KIF13A: variants seen among roughly 807,000 people sequenced by gnomAD.
KIF13A encodes kinesin-like protein KIF13A.
KIF13A carries 79 observed loss-of-function variants against 212.2 expected under a neutral mutation model. The ratio of observed to expected loss-of-function variants is 0.37; its 90% CI spans 0.31 to 0.45. KIF13A has a LOEUF of 0.45. Ranked by LOEUF, KIF13A falls within the 20% of genes least tolerant of loss-of-function variation. KIF13A has a pLI of 1.00. For missense variants in KIF13A, 1,901 were observed against 2,209.0 expected, an observed-to-expected ratio of 0.86 and a Z score of 2.79; for synonymous variants, 789 against 808.6, an observed-to-expected ratio of 0.98 and a Z score of 0.41.
intron 2 of KIF13A, among the ~76,000 whole-genome samples, chr6:17,928,552 C>T (rs1273699643): frequency 6.6e-6 from 1 of 152,098 alleles, no homozygotes; most frequent in African/African-American, 2.4e-5. Flanking sequence ...AAAGGAAATC[C>T]GGAGTTCACT....
intron 6 of KIF13A, among the ~76,000 whole-genome samples, chr6:17,852,757 T>C (rs1015410074): frequency 6.6e-6 from 1 of 152,214 alleles, no homozygotes; most frequent in Non-Finnish European, 1.5e-5. Flanking sequence ...TTAAAACATT[T>C]AAACTCTACT....
intron 3 of KIF13A, among the ~76,000 whole-genome samples, chr6:17,876,705 T>C (rs1770593527): frequency 1.3e-5 from 2 of 152,326 alleles, no homozygotes; most frequent in East Asian, 3.9e-4. Context: ...ACTGGCACTA[T>C]CATGGCTCAC....
chr6:17,767,478 C>T (rs556791937), intron 38 of KIF13A, among the ~76,000 whole-genome samples: 1 of 152,284 alleles, frequency 6.6e-6, no homozygotes, highest in East Asian at 1.9e-4. Flanking sequence ...TGGTCTCGAA[C>T]TCCTGACCTC....
chr6:17,838,614 C>T lies in KIF13A; in HGVS notation c.831-1031G>A, dbSNP rs1323818048. ...CACAGAGTGGCATAAATATGTACATCATCTTAAGTGAAACAAGTCAAAAAA... is the reference window on the plus strand; with the variant it reads ...CACAGAGTGGCATAAATATGTACATTATCTTAAGTGAAACAAGTCAAAAAA... On this transcript the variant is annotated intron_variant, in intron 9 of 38. Transcript: ENST00000259711. This position sits in a 1 kb window ranked among gnomAD's most constrained non-coding sequence, Gnocchi z 4.2. Among the ~76,000 whole-genome samples, 3 of 151,982 alleles carry T rather than the reference C, an allele frequency of 2.0e-5. No homozygotes were observed. The highest frequency in any genetic ancestry group is 4.4e-5 in the Non-Finnish European group (3 of 68,006).
intron 14 of KIF13A, among the ~76,000 whole-genome samples, chr6:17,827,757 A>G (rs965405477): frequency 6.0e-5 from 9 of 150,904 alleles, no homozygotes; most frequent in African/African-American, 2.0e-4. Context: ...CCTGGGCTCA[A>G]GCAATACTCC....
rs144283579 is a variant in KIF13A at position 17,925,763 on chromosome 6, T to C, written c.147-27583A>G. Among the ~76,000 whole-genome samples, 314 of 152,260 alleles carry C rather than the reference T, an allele frequency of 2.1e-3. 1 individual carries two copies. Among genetic ancestry groups the C allele is most frequent in the Middle Eastern group, 0.01 (3 of 294 alleles). The stretch of plus-strand genomic sequence containing the variant: ...ATTAGCAGCAGTTATTCTGTGAGAA[T>C]TGGGGGGCTACCAGAGTAATGACGA... On this transcript the variant is annotated intron_variant, in intron 2 of 38. Transcript: ENST00000259711.
chr6:17,790,217 C>A (rs1761416274), intron 25 of KIF13A, among the ~76,000 whole-genome samples: 1 of 152,092 alleles, frequency 6.6e-6, no homozygotes, highest in Admixed American at 6.6e-5. Context: ...GCCTGGGCAA[C>A]AATAGCAAGA....
At chr6:17,820,342 A>G (rs571939472) in intron 16 of KIF13A, among the ~76,000 whole-genome samples, 61 of 152,254 alleles carry the variant, frequency 4.0e-4, no homozygotes, top group African/African-American at 1.4e-3. Flanking sequence ...ACACACAGCT[A>G]CGGTGGAGGT....
intron 3 of KIF13A, among the ~76,000 whole-genome samples, chr6:17,890,795 A>AATAATAATAATG (rs1489320328): frequency 1.4e-5 from 2 of 147,610 alleles, no homozygotes; most frequent in East Asian, 3.9e-4. Context: ...CCCAGCTAAT[A>AATAATAATAATG]ATAATAATAA....
At chr6:17,784,478 G>A (rs1760877579) in intron 28 of KIF13A, among the ~76,000 whole-genome samples, 1 of 152,104 alleles carries the variant, frequency 6.6e-6, no homozygotes, top group African/African-American at 2.4e-5. Flanking sequence ...AACCGCCTCA[G>A]AGGCCTCTTA....
At chr6:17,937,984 G>A (rs547122261) in intron 2 of KIF13A, among the ~76,000 whole-genome samples, 1 of 152,190 alleles carries the variant, frequency 6.6e-6, no homozygotes, top group Non-Finnish European at 1.5e-5. Flanking sequence ...CTGACCTCAG[G>A]TAATCCACCT....
At position 17,789,607 on chromosome 6, in the gene KIF13A, GTGATAA is replaced by G. The variant is rs1174400010; in HGVS notation, c.3261+259_3261+264del. ...TCTCCAGATCATCCATTTTAATACA[GTGATAA>G]TGGTCTTGCTTAGCAATAAGCCAGT... On this transcript the variant is annotated intron_variant, in intron 26 of 38. Transcript: ENST00000259711. The surrounding 1 kb of genome is among the most constrained non-coding windows in gnomAD (Gnocchi z 4.8). Among the ~76,000 whole-genome samples, 1 of 152,110 alleles carries G rather than the reference GTGATAA, an allele frequency of 6.6e-6. No individual in the cohort carries two copies. Among genetic ancestry groups the G allele is most frequent in the Non-Finnish European group, 1.5e-5 (1 of 68,030 alleles).
At chr6:17,873,876 G>A (rs1198473008) in intron 3 of KIF13A, among the ~76,000 whole-genome samples, 2 of 152,102 alleles carry the variant, frequency 1.3e-5, no homozygotes, top group African/African-American at 2.4e-5. Context: ...ATAGGTGTGA[G>A]CCATCGCGCC....
chr6:17,797,895 C>T lies in KIF13A; in HGVS notation c.2791-1075G>A, dbSNP rs547598894. 2.6e-5 allele frequency among the ~76,000 whole-genome samples: 4 copies of T among 152,218 alleles called. No individual in the cohort carries two copies. The South Asian group carries it at 8.3e-4, about 32-fold the overall frequency. On this transcript the variant is annotated intron_variant, in intron 22 of 38. Coordinates refer to ENST00000259711, the MANE Select transcript of KIF13A (RefSeq NM_022113.6). ...CCTGGGCAACAGAGTGAGACATCGT[C>T]TTTAAAAATAAAAACAAACCCAAAC...
chr6:17,837,909 T>C lies in KIF13A; in HGVS notation c.831-326A>G, dbSNP rs1766124978. On this transcript the variant is annotated intron_variant, in intron 9 of 38. Transcript: ENST00000259711. The surrounding 1 kb of genome is among the most constrained non-coding windows in gnomAD (Gnocchi z 5.4). ...TAGAGGTTGCAGTGAGCCGAGACTG[T>C]GCCACTGCACTGCAGCCTGGGCGAC... Among the ~76,000 whole-genome samples, 5 of 151,526 alleles carry C rather than the reference T, an allele frequency of 3.3e-5. No individual in the cohort carries two copies. The South Asian group carries it at 1.1e-3, about 32-fold the overall frequency.
At position 17,829,374 on chromosome 6, in the gene KIF13A, C is replaced by T. The variant is rs553456889; in HGVS notation, c.1402-1004G>A. ...AGAGAGCAGAGCCAAACAACATGTT[C>T]GTGTTTATATTAAAGTAGTTTTGAC... is the stretch of plus-strand genomic sequence containing the variant. On this transcript the variant is annotated intron_variant, in intron 13 of 38. Coordinates refer to ENST00000259711, the MANE Select transcript of KIF13A (RefSeq NM_022113.6). This position sits in a 1 kb window ranked among gnomAD's most constrained non-coding sequence, Gnocchi z 5.4. Among the ~76,000 whole-genome samples, 1 of 152,288 alleles carries T rather than the reference C, an allele frequency of 6.6e-6. No individual in the cohort carries two copies. Among genetic ancestry groups the T allele is most frequent in the Admixed American group, 6.5e-5 (1 of 15,300 alleles).
chr6:17,878,523 C>T (rs1173853873), intron 3 of KIF13A, among the ~76,000 whole-genome samples: 1 of 151,700 alleles, frequency 6.6e-6, no homozygotes, highest in Non-Finnish European at 1.5e-5. Context: ...TCAAGCGATC[C>T]TCCTGTCTTG....
intron 17 of KIF13A, among the ~76,000 whole-genome samples, chr6:17,812,806 G>A (rs1418981850): frequency 6.6e-6 from 1 of 152,146 alleles, no homozygotes. Flanking sequence ...CAGTGTATAA[G>A]GGTTCCCTTT....
intron 3 of KIF13A, among the ~76,000 whole-genome samples, chr6:17,879,082 T>C (rs1445152362): frequency 1.3e-5 from 2 of 152,342 alleles, no homozygotes; most frequent in South Asian, 2.1e-4. Context: ...AGCAAGTGAA[T>C]AGAAAAATTT....
Sources: gnomAD v4.1 joint callset for allele counts (sites outside exome capture counted in the v4.1 genomes callset) on GRCh38, gnomAD v4.1.1 for gene constraint, Gnocchi (gnomAD v3.1) non-coding constraint, MANE v1.5 for transcripts, NCBI Gene and HGNC (gene_info 2026-07-23, HGNC 2026-07-21) for gene names.